Variants in SDK1 observed in about 807,000 individuals in gnomAD.
The protein encoded by SDK1 is sidekick cell adhesion molecule 1.
Under a neutral mutation model 245.5 loss-of-function variants are expected in SDK1, and 157 were observed. The ratio of observed to expected loss-of-function variants is 0.64; its 90% CI spans 0.56 to 0.73. The LOEUF (loss-of-function observed/expected upper bound fraction) is 0.73, where lower values mean the gene tolerates loss of function less well. Ranked by LOEUF, SDK1 falls within the 30% of genes least tolerant of loss-of-function variation. The probability of loss-of-function intolerance (pLI) is 0.00; values close to 1 mark genes in which losing one functional copy is unlikely to be tolerated. For missense variants in SDK1, 3,583 were observed against 3,002.3 expected (o/e 1.19, Z -4.52); for synonymous variants, 1,647 against 1,278.5 (o/e 1.29, Z -6.15).
chr7:4,251,563 C>T (rs770701103), intron 44 of SDK1, among the ~76,000 whole-genome samples: 3 of 152,168 alleles, frequency 2.0e-5, no homozygotes, highest in Non-Finnish European at 4.4e-5. Context: ...GGGTTTTTAT[C>T]GGAAGCTGGT....
chr7:3,529,751 T>C (rs962943826), intron 1 of SDK1, among the ~76,000 whole-genome samples: 1 of 152,160 alleles, frequency 6.6e-6, no homozygotes, highest in Non-Finnish European at 1.5e-5. Context: ...CCCCAAAACA[T>C]GTATTAATTA....
chr7:3,844,226 C>G (rs1780223626), intron 5 of SDK1, among the ~76,000 whole-genome samples: 1 of 152,158 alleles, frequency 6.6e-6, no homozygotes, highest in South Asian at 2.1e-4. Context: ...CCACCTCAGC[C>G]TCCCAAAATG....
intron 1 of SDK1, among the ~76,000 whole-genome samples, chr7:3,482,662 C>A (rs1370831702): frequency 6.6e-6 from 1 of 152,172 alleles, no homozygotes; most frequent in African/African-American, 2.4e-5. Flanking sequence ...TCCAAAACAA[C>A]CTCCAGCAAA....
chr7:3,963,827 A>G (rs577260219), intron 9 of SDK1, among the ~76,000 whole-genome samples: 1 of 151,734 alleles, frequency 6.6e-6, no homozygotes, highest in Non-Finnish European at 1.5e-5. Context: ...ACCCAGGCCG[A>G]CGGCTACCCA....
At chr7:3,749,742 C>T (rs1036672522) in intron 4 of SDK1, among the ~76,000 whole-genome samples, 2 of 152,160 alleles carry the variant, frequency 1.3e-5, no homozygotes, top group Admixed American at 1.3e-4. Context: ...GAAAGCACCT[C>T]GTGGGCTGGC....
In SDK1 at chr7:3,669,833, C is replaced by T. The variant is rs1783641899; in HGVS notation, c.713+27728C>T. Among the ~76,000 whole-genome samples the T allele has an allele frequency of 1.2e-4, 18 of 152,178 alleles. 1 individual carries two copies. Among genetic ancestry groups the T allele is most frequent in the Admixed American group, 1.2e-3 (18 of 15,282 alleles). ...TCCTGGAGTTTTTTCAAAGGTGCTT[C>T]ATACTCAGTAGGTTGAAAACAGAAC... On this transcript the variant is annotated intron_variant, in intron 4 of 44. Coordinates refer to ENST00000404826, the MANE Select transcript of SDK1 (RefSeq NM_152744.4).
At chr7:3,342,023 G>C (rs1449258648) in intron 1 of SDK1, among the ~76,000 whole-genome samples, 1 of 152,156 alleles carries the variant, frequency 6.6e-6, no homozygotes, top group African/African-American at 2.4e-5. Flanking sequence ...TGATATTAAA[G>C]CTTTCCCTTA....
In SDK1 at chr7:4,254,132, T is replaced by G. The variant is rs552874503; in HGVS notation, c.6381+8327T>G. On this transcript the variant is annotated intron_variant, in intron 44 of 44. Transcript: ENST00000404826. The stretch of plus-strand genomic sequence containing the variant: ...TTACTATACATATTTTACCGGTAGA[T>G]TAATGATTTTTATCAAATTTGGGAA... Among the ~76,000 whole-genome samples the G allele has an allele frequency of 1.8e-4, 28 of 152,294 alleles. 1 individual carries two copies. Among genetic ancestry groups the G allele is most frequent in the African/African-American group, 6.0e-4 (25 of 41,582 alleles).
intron 1 of SDK1, among the ~76,000 whole-genome samples, chr7:3,358,786 A>G (rs555972400): frequency 1.3e-5 from 2 of 152,242 alleles, no homozygotes; most frequent in Admixed American, 1.3e-4. Context: ...AATGTGTCCT[A>G]GATGGAGGCA....
chr7:3,779,662 G>T (rs1369721541), intron 4 of SDK1, among the ~76,000 whole-genome samples: 1 of 152,162 alleles, frequency 6.6e-6, no homozygotes. Context: ...TCCGGGCGCG[G>T]TGGCTCACGC....
chr7:3,543,984 C>T (rs893160857), intron 1 of SDK1, among the ~76,000 whole-genome samples: 1 of 152,180 alleles, frequency 6.6e-6, no homozygotes, highest in Admixed American at 6.5e-5. Context: ...TTATCACTGG[C>T]CATCTCTACT....
At chr7:4,029,282 G>A (rs564143390) in intron 17 of SDK1, among the ~76,000 whole-genome samples, 23 of 143,214 alleles carry the variant, frequency 1.6e-4, no homozygotes, top group Admixed American at 3.5e-4. Context: ...CACAATCTCA[G>A]CTCACTGCAT....
chr7:3,915,197 G>C lies in SDK1; in HGVS notation c.848-35726G>C, dbSNP rs187125007. 4.9e-4 allele frequency among the ~76,000 whole-genome samples: 75 copies of C among 152,286 alleles called. 2 individuals carry two copies. The highest frequency in any genetic ancestry group is 9.7e-4 in the Non-Finnish European group (66 of 68,026). ...GGGGTAGGATGAGCCAGAGAAAGCT[G>C]GAGCCTGGCTTCTGCCCCATTCTCT... On this transcript the variant is annotated intron_variant, in intron 5 of 44. Coordinates refer to ENST00000404826, the MANE Select transcript of SDK1 (RefSeq NM_152744.4).
chr7:3,955,978 C>T (rs1234535365), intron 7 of SDK1, among the ~76,000 whole-genome samples: 3 of 152,170 alleles, frequency 2.0e-5, no homozygotes, highest in East Asian at 3.9e-4. Flanking sequence ...ATGTGGAAGG[C>T]GGAAAATCTG....
At chr7:3,966,070 G>C (rs931431848) in intron 9 of SDK1, among the ~76,000 whole-genome samples, 4 of 152,010 alleles carry the variant, frequency 2.6e-5, no homozygotes, top group Non-Finnish European at 4.4e-5. Context: ...AGCCTTTGTA[G>C]CTTTCAAAGG....
intron 5 of SDK1, among the ~76,000 whole-genome samples, chr7:3,907,531 G>C (rs1033408974): frequency 6.6e-6 from 1 of 152,128 alleles, no homozygotes; most frequent in Admixed American, 6.5e-5. Flanking sequence ...GTACATATAG[G>C]TTGTTTCTGC....
intron 4 of SDK1, among the ~76,000 whole-genome samples, chr7:3,788,048 G>T (rs899438003): frequency 6.6e-6 from 1 of 152,134 alleles, no homozygotes; most frequent in Non-Finnish European, 1.5e-5. Context: ...CAAACAGCTC[G>T]TGTGCTCCGG....
chr7:3,698,492 A>T (rs116504039), intron 4 of SDK1, among the ~76,000 whole-genome samples: 2,031 of 152,298 alleles, frequency 0.013, 36 homozygotes, highest in African/African-American at 0.047. Context: ...CTCAGTGGTG[A>T]CAAGGGCCCT....
intron 32 of SDK1, among the ~76,000 whole-genome samples, chr7:4,171,149 G>A: frequency 6.6e-6 from 1 of 152,306 alleles, no homozygotes; most frequent in Non-Finnish European, 1.5e-5. Context: ...GCTGGAGAAA[G>A]GGGTCAGTGG....
Sources: gnomAD v4.1 joint callset for allele counts (sites outside exome capture counted in the v4.1 genomes callset) on GRCh38, gnomAD v4.1.1 for gene constraint, MANE v1.5 for transcripts, NCBI Gene and HGNC (gene_info 2026-07-23, HGNC 2026-07-21) for gene names.